The following UGT1A9 variants were observed in gnomAD, a reference collection of about 807,000 sequenced individuals.
The protein encoded by UGT1A9 is UDP-glucuronosyltransferase 1A9.
A neutral mutation model predicts 45.0 loss-of-function variants in UGT1A9; 35 were observed. The observed-to-expected ratio is 0.78, with a 90% CI of 0.59 to 1.03. UGT1A9 has a LOEUF of 1.03. Ranked by LOEUF, UGT1A9 falls within the 50% of genes least tolerant of loss-of-function variation. UGT1A9 has a pLI of 0.00. For missense variants in UGT1A9, 687 were observed against 666.6 expected, an observed-to-expected ratio of 1.03 and a Z score of -0.34; for synonymous variants, 278 against 250.6, an observed-to-expected ratio of 1.11 and a Z score of -1.03.
intron 1 of UGT1A9, among the ~76,000 whole-genome samples, chr2:233,679,760 T>C (rs1320676610): frequency 2.6e-5 from 4 of 152,170 alleles, no homozygotes; most frequent in Non-Finnish European, 5.9e-5. Context: ...CCATCCTTTG[T>C]TGCCATTAAA....
At chr2:233,732,243 C>T (rs551987407) in intron 1 of UGT1A9, among the ~76,000 whole-genome samples, 33 of 152,314 alleles carry the variant, frequency 2.2e-4, no homozygotes, top group Non-Finnish European at 4.4e-4. Context: ...TGTAGGTTGC[C>T]TGTTCACTCT....
In UGT1A9 at chr2:233,719,006, C is replaced by T. The variant is rs899895461; in HGVS notation, c.855+46217C>T. On this transcript the variant is annotated intron_variant, in intron 1 of 4. Transcript: ENST00000354728. ...GAGGCCACCAGGCGGTGGTCCTCACCCCAGAGGTGAATATGCACATCAAAG... is the reference window on the plus strand; with the variant it reads ...GAGGCCACCAGGCGGTGGTCCTCACTCCAGAGGTGAATATGCACATCAAAG... The T allele has an allele frequency of 1.9e-6, 3 of 1,614,196 alleles. No individual in the cohort carries two copies. The East Asian group carries it at 6.7e-5, about 36-fold the overall frequency.
chr2:233,700,162 G>A (rs2075547440), intron 1 of UGT1A9, among the ~76,000 whole-genome samples: 1 of 152,192 alleles, frequency 6.6e-6, no homozygotes, highest in Non-Finnish European at 1.5e-5. Flanking sequence ...GTCTTTACAA[G>A]GAATGCTCAT....
chr2:233,742,224 G>A (rs191023728), intron 1 of UGT1A9, among the ~76,000 whole-genome samples: 4 of 152,020 alleles, frequency 2.6e-5, no homozygotes, highest in Non-Finnish European at 5.9e-5. Flanking sequence ...AGGGCTGAGA[G>A]CCCCAAACAG....
At chr2:233,711,084 G>A (rs1478616153) in intron 1 of UGT1A9, among the ~76,000 whole-genome samples, 6 of 152,210 alleles carry the variant, frequency 3.9e-5, no homozygotes, top group Non-Finnish European at 7.3e-5. Context: ...ATGGCTCCAA[G>A]TCTATCTGTG....
intron 1 of UGT1A9, among the ~76,000 whole-genome samples, chr2:233,724,318 C>T (rs1409125726): frequency 1.2e-4 from 17 of 142,986 alleles, no homozygotes; most frequent in African/African-American, 3.4e-4. Context: ...CCGGACGGGG[C>T]GGCTGGCCAG....
intron 1 of UGT1A9, among the ~76,000 whole-genome samples, chr2:233,724,420 G>A (rs1396792043): frequency 4.4e-5 from 6 of 135,614 alleles, no homozygotes; most frequent in African/African-American, 1.4e-4. Flanking sequence ...GCTGCCGGGC[G>A]GAGAGGCTCC....
intron 1 of UGT1A9, chr2:233,681,922 G>C (rs888256988): frequency 5.0e-6 from 8 of 1,608,608 alleles, no homozygotes; most frequent in Non-Finnish European, 5.9e-6. Flanking sequence ...TGCTGGCTCT[G>C]GGCTGAAGTT....
At chr2:233,684,933 T>C (rs558186766) in intron 1 of UGT1A9, among the ~76,000 whole-genome samples, 2 of 148,394 alleles carry the variant, frequency 1.3e-5, no homozygotes, top group East Asian at 3.9e-4. Context: ...ACAGGATTCA[T>C]AGTCTGCATT....
chr2:233,769,849 C>A lies in UGT1A9; in HGVS notation c.1295+1410C>A, dbSNP rs1159124687. ...CAGCAACCTGGGCAACAGAGTGAGA[C>A]CCTGTCTCAAAAAAAAAAAAAAAAA... On this transcript the variant is annotated intron_variant, in intron 4 of 4. Transcript: ENST00000354728. The surrounding 1 kb of genome is among the most constrained non-coding windows in gnomAD (Gnocchi z 4.4). 1 of 524,548 alleles carries A rather than the reference C, an allele frequency of 1.9e-6. No homozygotes were observed. The highest frequency in any genetic ancestry group is 3.0e-6 in the Non-Finnish European group (1 of 331,924). The allele number at this position is 524,548 out of a possible 1,614,324, so 32.5% of individuals were successfully genotyped here.
chr2:233,718,965 C>T (rs182680267), intron 1 of UGT1A9: 112 of 1,614,172 alleles, frequency 6.9e-5, no homozygotes, highest in African/African-American at 6.7e-4. Flanking sequence ...GGAGGCCTTG[C>T]GGGAGCTCCA....
chr2:233,724,527 T>C (rs2077276576), intron 1 of UGT1A9, among the ~76,000 whole-genome samples: 1 of 105,076 alleles, frequency 9.5e-6, no homozygotes, highest in Non-Finnish European at 1.9e-5. Flanking sequence ...AGATGGGGTC[T>C]CGCCGGGCAG....
chr2:233,772,168 A>C, intron 4 of UGT1A9, 94 bp from the exon 5 acceptor site: 1 of 1,573,330 alleles, frequency 6.4e-7, no homozygotes, highest in Non-Finnish European at 8.6e-7. Flanking sequence ...AAGTTTGGAA[A>C]ATCTGGTAGT....
chr2:233,756,907 T>G (rs1416873228), intron 1 of UGT1A9, among the ~76,000 whole-genome samples: 2 of 152,072 alleles, frequency 1.3e-5, no homozygotes, highest in Admixed American at 6.5e-5. Flanking sequence ...CAGAACAAAC[T>G]TCTGAGTTTA....
At chr2:233,714,923 C>A (rs532200319) in intron 1 of UGT1A9, among the ~76,000 whole-genome samples, 1 of 152,298 alleles carries the variant, frequency 6.6e-6, no homozygotes, top group Admixed American at 6.5e-5. Context: ...GTCACCCAGT[C>A]TGGAGTGCAG....
rs769331263 is a variant in UGT1A9 at position 233,772,705 on chromosome 2, C to A, written c.*146C>A. 6.8e-7 allele frequency: 1 copy of A among 1,474,690 alleles called. No homozygotes were observed. The highest frequency in any genetic ancestry group is 2.5e-5 in the East Asian group (1 of 40,596). The allele number at this position is 1,474,690 out of a possible 1,614,324, so 91.4% of individuals were successfully genotyped here. On this transcript the variant is annotated 3_prime_UTR_variant, in exon 5 of 5. Coordinates refer to ENST00000354728, the MANE Select transcript of UGT1A9 (RefSeq NM_021027.3). Reference sequence around the variant, plus strand: ...CAGCCCCAGAGTGCTTTAAAAAATTCTCTTAAATAAAAATAATAGACTCGC... The same window carrying A: ...CAGCCCCAGAGTGCTTTAAAAAATTATCTTAAATAAAAATAATAGACTCGC...
intron 1 of UGT1A9, chr2:233,760,629 G>A: frequency 6.2e-7 from 1 of 1,614,104 alleles, no homozygotes; most frequent in East Asian, 2.2e-5. Context: ...AAACATACAA[G>A]AAAATAAAAA....
intron 1 of UGT1A9, chr2:233,753,714 C>T (rs1422893106): frequency 1.3e-5 from 2 of 152,222 alleles, no homozygotes; most frequent in Non-Finnish European, 2.9e-5. Flanking sequence ...TTTCATCAAC[C>T]TAATTTGATA....
intron 1 of UGT1A9, among the ~76,000 whole-genome samples, chr2:233,727,254 C>A (rs2077597251): frequency 6.6e-6 from 1 of 152,146 alleles, no homozygotes; most frequent in Admixed American, 6.5e-5. Flanking sequence ...CTGTGCAGCC[C>A]AGACCCCTCC....
Sources: allele counts gnomAD v4.1 joint callset (sites outside exome capture counted in the v4.1 genomes callset), GRCh38; gene constraint gnomAD v4.1.1; non-coding constraint Gnocchi (gnomAD v3.1); transcripts MANE v1.5; gene names NCBI Gene and HGNC (gene_info 2026-07-23, HGNC 2026-07-21).